Variants in TENM2 observed in about 807,000 individuals in gnomAD.
The protein encoded by TENM2 is teneurin-2.
A neutral mutation model predicts 245.2 loss-of-function variants in TENM2; 52 were observed. That is an observed-to-expected ratio of 0.21 (90% CI 0.17 to 0.27). TENM2 has a LOEUF of 0.27. TENM2 is among the 10% of genes least tolerant of loss of function. TENM2 has a pLI of 1.00. For synonymous variants in TENM2, 1,363 were observed against 1,438.9 expected (o/e 0.95, Z 1.19); for missense variants, 3,046 against 3,666.8 (o/e 0.83, Z 4.37).
At chr5:167,148,309 G>T in the TENM2 span, among the ~76,000 whole-genome samples, 2 of 152,276 alleles carry the variant, frequency 1.3e-5, no homozygotes, top group African/African-American at 4.8e-5. Context: ...GAAAATTGCA[G>T]GACTATGTTC....
chr5:167,490,936 C>T (rs1768392951), intron 2 of TENM2, among the ~76,000 whole-genome samples: 1 of 152,118 alleles, frequency 6.6e-6, no homozygotes, highest in Admixed American at 6.5e-5. Flanking sequence ...TTTCTCAGCT[C>T]TGTATGTTGA....
rs1491483095 is a variant in TENM2, at chr5:167,909,069, T to TC, written c.712+32874_712+32875insC. On this transcript the variant is annotated intron_variant, in intron 3 of 28. Coordinates refer to ENST00000518659, the Ensembl canonical transcript of TENM2. Reference sequence around the variant, plus strand: ...ATATTTTCGTTTTCTTTTCTCTCTCTTTTTTTTTTTTTTTTAGTAAAAATT... The same window carrying TC: ...ATATTTTCGTTTTCTTTTCTCTCTCTCTTTTTTTTTTTTTTTAGTAAAAATT... Among the ~76,000 whole-genome samples, 139 of 79,780 alleles carry TC rather than the reference T, an allele frequency of 1.7e-3. No individual in the cohort carries two copies. The East Asian group carries it at 0.037, about 21-fold the overall frequency. The allele number at this position is 79,780 out of a possible 152,430, so 52.3% of individuals were successfully genotyped here. A position where few individuals can be genotyped will look rare whatever the true frequency, so the allele number is the denominator to read the frequency against.
intron 2 of TENM2, chr5:167,728,566 T>C (rs1247926247): frequency 6.6e-6 from 1 of 152,310 alleles, no homozygotes; most frequent in African/African-American, 2.4e-5. Context: ...ATTGCACCAC[T>C]GCACTCCAGC....
chr5:167,279,519 TTCCTTCCTTCCTTCCTTCC>T, the TENM2 span, among the ~76,000 whole-genome samples: 1 of 92,742 alleles, frequency 1.1e-5, no homozygotes, highest in South Asian at 3.1e-4. Context: ...CTTCCTTTCC[TTCCTTCCTTCCTTCCTTCC>T]TTCCTTCCTT....
intron 2 of TENM2, among the ~76,000 whole-genome samples, chr5:167,806,717 G>A (rs1280291292): frequency 6.6e-6 from 1 of 152,020 alleles, no homozygotes; most frequent in Non-Finnish European, 1.5e-5. Context: ...TCACCAAAAT[G>A]GCTCGCAGAT....
At chr5:167,466,309 T>G (rs1373081784) in intron 2 of TENM2, among the ~76,000 whole-genome samples, 1 of 152,232 alleles carries the variant, frequency 6.6e-6, no homozygotes, top group African/African-American at 2.4e-5. Context: ...CTACTTGTGT[T>G]GTCAAACACA....
At chr5:168,066,924 A>T (rs1390546855) in intron 7 of TENM2, among the ~76,000 whole-genome samples, 1 of 152,214 alleles carries the variant, frequency 6.6e-6, no homozygotes, top group Middle Eastern at 3.2e-3. Flanking sequence ...CAGTTGCAGC[A>T]AGTCAGAATC....
intron 5 of TENM2, among the ~76,000 whole-genome samples, chr5:168,038,682 T>C (rs1399064909): frequency 6.6e-6 from 1 of 152,250 alleles, no homozygotes; most frequent in East Asian, 1.9e-4. Context: ...TTATGCATAG[T>C]TGTGCAGAAA....
chr5:167,078,458 G>A, the TENM2 span, among the ~76,000 whole-genome samples: 2 of 151,120 alleles, frequency 1.3e-5, no homozygotes, highest in African/African-American at 4.9e-5. Flanking sequence ...ACTCTAGCCT[G>A]GCCAACAAGA....
At chr5:167,077,537 T>G in the TENM2 span, among the ~76,000 whole-genome samples, 2 of 152,194 alleles carry the variant, frequency 1.3e-5, no homozygotes, top group Non-Finnish European at 2.9e-5. Flanking sequence ...ATAATGAGAT[T>G]ATTCTAGAGA....
the TENM2 span, among the ~76,000 whole-genome samples, chr5:167,209,017 ATC>A: frequency 3.9e-5 from 6 of 152,152 alleles, no homozygotes; most frequent in African/African-American, 1.4e-4. Flanking sequence ...TCAGGAAGCT[ATC>A]TTCCTTCATC....
intron 4 of TENM2, among the ~76,000 whole-genome samples, chr5:167,973,940 G>C (rs993597381): frequency 2.0e-5 from 3 of 150,504 alleles, no homozygotes; most frequent in African/African-American, 7.3e-5. Flanking sequence ...ACACCAGAAA[G>C]GGAGGAAACT....
chr5:167,972,113 C>T (rs1278815003), intron 4 of TENM2, among the ~76,000 whole-genome samples: 1 of 152,182 alleles, frequency 6.6e-6, no homozygotes, highest in African/African-American at 2.4e-5. Flanking sequence ...CAGCTTTTGT[C>T]TTTTCAGTTA....
chr5:168,005,617 G>A (rs762852426), intron 5 of TENM2, among the ~76,000 whole-genome samples: 34 of 152,090 alleles, frequency 2.2e-4, no homozygotes, highest in Non-Finnish European at 4.3e-4. Flanking sequence ...CACTTACCAG[G>A]GCAGTTATAC....
intron 23 of TENM2, among the ~76,000 whole-genome samples, 179 bp from the exon 26 acceptor site, chr5:168,225,909 T>C (rs1339481204): frequency 6.6e-6 from 1 of 152,028 alleles, no homozygotes; most frequent in Admixed American, 6.6e-5. Flanking sequence ...GAAGAAAGCA[T>C]CACAGCTGTT....
intron 2 of TENM2, among the ~76,000 whole-genome samples, chr5:167,568,305 T>C (rs1054549498): frequency 6.6e-6 from 1 of 151,972 alleles, no homozygotes; most frequent in Non-Finnish European, 1.5e-5. Context: ...AAGGAAAACA[T>C]AGGGAGATAG....
At chr5:167,360,184 AAATT>A (rs527854446) in intron 1 of TENM2, among the ~76,000 whole-genome samples, 2 of 152,218 alleles carry the variant, frequency 1.3e-5, no homozygotes, top group Non-Finnish European at 2.9e-5. Context: ...AGTTTTTAAA[AAATT>A]AAACCCATTA....
chr5:167,776,660 TA>T (rs1263922963), intron 2 of TENM2, among the ~76,000 whole-genome samples: 5 of 140,158 alleles, frequency 3.6e-5, no homozygotes, highest in African/African-American at 1.4e-4. Flanking sequence ...TATATATATA[TA>T]TATTTTTCAT....
At chr5:167,332,219 G>A (rs904991479) in intron 1 of TENM2, among the ~76,000 whole-genome samples, 12 of 152,086 alleles carry the variant, frequency 7.9e-5, no homozygotes, top group African/African-American at 2.7e-4. Context: ...TCGTGGCCTC[G>A]GCAGTACCGT....
Sources: gnomAD v4.1 joint callset for allele counts (sites outside exome capture counted in the v4.1 genomes callset) on GRCh38, gnomAD v4.1.1 for gene constraint, MANE v1.5 for transcripts, NCBI Gene and HGNC (gene_info 2026-07-23, HGNC 2026-07-21) for gene names.